PANX1: variants seen among roughly 807,000 people sequenced by gnomAD.
PANX1 encodes the protein pannexin-1.
In PANX1, 30 loss-of-function variants were observed where a neutral mutation model predicts 38.7. That is an observed-to-expected ratio of 0.78 (90% CI 0.58 to 1.05). PANX1 has a LOEUF of 1.05. PANX1 is among the 50% of genes least tolerant of loss of function. The probability of loss-of-function intolerance (pLI) is 0.00; values close to 1 mark genes in which losing one functional copy is unlikely to be tolerated. For missense variants in PANX1, 551 were observed against 517.2 expected, an observed-to-expected ratio of 1.07 and a Z score of -0.63; for synonymous variants, 230 against 212.2, an observed-to-expected ratio of 1.08 and a Z score of -0.73.
At position 94,181,175 on chromosome 11, in the gene PANX1, G is replaced by T. The variant is rs1947302896; in HGVS notation, c.*306G>T. The T allele has an allele frequency of 3.3e-6, 1 of 299,718 alleles. No homozygotes were observed. The highest frequency in any genetic ancestry group is 2.1e-5 in the African/African-American group (1 of 47,532). 18.6% of individuals were successfully genotyped at this position (299,718 alleles called of 1,614,324 possible). ...AGTCAAGAGCAGTAGCCCTGTCAGA[G>T]CCTCGGAGCAATACCTTTCTGTACC... On this transcript the variant is annotated 3_prime_UTR_variant, in exon 5 of 5. Transcript: ENST00000227638.
rs181188850 is a variant in PANX1 at position 94,179,612 on chromosome 11, G to A, written c.556G>A (p.Val186Ile). 6.2e-7 allele frequency: 1 copy of A among 1,612,748 alleles called. No homozygotes were observed. The highest frequency in any genetic ancestry group is 1.3e-5 in the African/African-American group (1 of 74,942). ...TCCTTTATTTTTTAGTTTGTGGGAG[G>A]TATCTGAAAGCCACTTCAAGTACCC... Reference protein sequence around the residue: ...TENLGQSLWEVSESHFKYPIV... With the variant: ...TENLGQSLWEISESHFKYPIV... The change falls in exon 4 of 5, where the codon GTA becomes ATA. Residue 186 changes from valine (V) to isoleucine (I), a missense_variant. Transcript: ENST00000227638.
chr11:94,153,432 G>C, intron 1 of PANX1, 59 bp from the exon 2 acceptor site: 1 of 1,572,598 alleles, frequency 6.4e-7, no homozygotes, highest in East Asian at 2.2e-5. Flanking sequence ...CATGTGAGAT[G>C]GGGACAAGAG....
At chr11:94,171,280 T>A (rs1947163497) in intron 2 of PANX1, among the ~76,000 whole-genome samples, 1 of 151,650 alleles carries the variant, frequency 6.6e-6, no homozygotes, top group Non-Finnish European at 1.5e-5. Flanking sequence ...ACTTCAGGCA[T>A]CCCACTCCCT....
intron 2 of PANX1, among the ~76,000 whole-genome samples, chr11:94,161,165 C>CAA (rs1947026653): frequency 6.6e-6 from 1 of 152,174 alleles, no homozygotes; most frequent in Non-Finnish European, 1.5e-5. Context: ...ACATTTTTTC[C>CAA]TTCATTTCAA....
chr11:94,142,124 G>A (rs771821966), intron 1 of PANX1, among the ~76,000 whole-genome samples: 9 of 152,150 alleles, frequency 5.9e-5, no homozygotes, highest in Admixed American at 1.3e-4. Context: ...ACAGGACTGC[G>A]TGGGGCAAGC....
chr11:94,146,752 A>C (rs1946832554), intron 1 of PANX1, among the ~76,000 whole-genome samples: 1 of 152,218 alleles, frequency 6.6e-6, no homozygotes, highest in African/African-American at 2.4e-5. Flanking sequence ...AAGACAGAGA[A>C]AGTTCCAGGA....
chr11:94,143,629 T>C (rs1946790549), intron 1 of PANX1, among the ~76,000 whole-genome samples: 1 of 152,196 alleles, frequency 6.6e-6, no homozygotes, highest in Non-Finnish European at 1.5e-5. Flanking sequence ...CGAATGTCTA[T>C]TGAATCTAAT....
intron 1 of PANX1, among the ~76,000 whole-genome samples, chr11:94,138,819 GT>G (rs1358854864): frequency 1.3e-5 from 2 of 152,106 alleles, no homozygotes; most frequent in Non-Finnish European, 2.9e-5. Context: ...TACAGTATAA[GT>G]TTTGATAAGC....
At position 94,128,975 on chromosome 11, in the gene PANX1, GTGGTTCCCGCGCC is replaced by G. The variant is rs1946588228; in HGVS notation, c.-334_-322del. On this transcript the variant is annotated 5_prime_UTR_variant, in exon 1 of 5. It removes the in-frame stop codon of an upstream open reading frame in the 5' UTR. Transcript: ENST00000227638. The stretch of plus-strand genomic sequence containing the variant: ...CAGAGGGAAGCGCTTTGTTCCGCGC[GTGGTTCCCGCGCC>G]TGGGGGTGCGCGGGAGAGGCGCGAA... 1 of 192,068 alleles carries G rather than the reference GTGGTTCCCGCGCC, an allele frequency of 5.2e-6. No homozygotes were observed. The highest frequency in any genetic ancestry group is 1.1e-5 in the Non-Finnish European group (1 of 95,000). The allele number at this position is 192,068 out of a possible 1,614,324, so 11.9% of individuals were successfully genotyped here. A position where few individuals can be genotyped will look rare whatever the true frequency, so the allele number is the denominator to read the frequency against.
Position 94,180,159 on chromosome 11 carries a change from C to A in PANX1, c.1103C>A (p.Thr368Lys), listed in dbSNP as rs1404765805. 1.2e-6 allele frequency: 2 copies of A among 1,613,884 alleles called. No individual in the cohort carries two copies. The highest frequency in any genetic ancestry group is 1.3e-5 in the African/African-American group (1 of 74,874). The change falls in exon 4 of 5, where the codon ACA becomes AAA. Residue 368 changes from threonine to lysine, a missense_variant. Coordinates refer to ENST00000227638, the MANE Select transcript of PANX1 (RefSeq NM_015368.4). ...GGGATCGACCCAATGCTACTCCTGA[C>A]AAACCTTGGCATGATCAAGATGGAT... is the stretch of plus-strand genomic sequence containing the variant. ...GQGIDPMLLL[T>K]NLGMIKMDVV...
intron 1 of PANX1, among the ~76,000 whole-genome samples, chr11:94,133,784 A>AT (rs1441516204): frequency 6.6e-6 from 1 of 152,130 alleles, no homozygotes; most frequent in Non-Finnish European, 1.5e-5. Context: ...ACCAGCCCTC[A>AT]TTTTTCCTTC....
chr11:94,132,965 C>T (rs578169962), intron 1 of PANX1, among the ~76,000 whole-genome samples: 149 of 152,326 alleles, frequency 9.8e-4, no homozygotes, highest in African/African-American at 3.4e-3. Context: ...GGAATGTCCT[C>T]ATATGATAAA....
At chr11:94,157,090 G>C (rs2134498764) in intron 2 of PANX1, among the ~76,000 whole-genome samples, 1 of 152,144 alleles carries the variant, frequency 6.6e-6, no homozygotes, top group South Asian at 2.1e-4. Context: ...GTATTCCATG[G>C]TGTATATGTG....
intron 1 of PANX1, among the ~76,000 whole-genome samples, chr11:94,143,227 G>A (rs1469534881): frequency 6.6e-6 from 1 of 152,176 alleles, no homozygotes; most frequent in Non-Finnish European, 1.5e-5. Context: ...TGATGCAGAA[G>A]GACTTAATGA....
Position 94,181,438 on chromosome 11 carries a change from T to C in PANX1, c.*569T>C, listed in dbSNP as rs1947305534. 1 of 152,868 alleles carries C rather than the reference T, an allele frequency of 6.5e-6. No individual in the cohort carries two copies. Among genetic ancestry groups the C allele is most frequent in the African/African-American group, 2.4e-5 (1 of 41,464 alleles). The allele number at this position is 152,868 out of a possible 1,614,324, so 9.5% of individuals were successfully genotyped here. A position where few individuals can be genotyped will look rare whatever the true frequency, so the allele number is the denominator to read the frequency against. On this transcript the variant is annotated 3_prime_UTR_variant, in exon 5 of 5. Transcript: ENST00000227638. ...CTCGAGCTCTCTTTACATTGTTAGT[T>C]GTCAACCTTGGCTGATGGAAATCCC... is the stretch of plus-strand genomic sequence containing the variant.
chr11:94,162,116 T>A (rs1288666523), intron 2 of PANX1, among the ~76,000 whole-genome samples: 1 of 152,142 alleles, frequency 6.6e-6, no homozygotes, highest in Non-Finnish European at 1.5e-5. Context: ...GTGTGAGGTG[T>A]CAGTCTGCCC....
chr11:94,163,909 C>T (rs533984773), intron 2 of PANX1, among the ~76,000 whole-genome samples: 2 of 152,120 alleles, frequency 1.3e-5, no homozygotes, highest in Admixed American at 1.3e-4. Flanking sequence ...TCCCTTGTTA[C>T]TTGCTATTGG....
Position 94,153,602 on chromosome 11 carries a change from C to G in PANX1, c.293C>G (p.Ser98Cys). 2 of 1,613,900 alleles carry G rather than the reference C, an allele frequency of 1.2e-6. No homozygotes were observed. The highest frequency in any genetic ancestry group is 1.7e-6 in the Non-Finnish European group (2 of 1,179,872). ...VQQKNSLQSE[S>C]GNLPLWLHKF... ...CAGAAGAACTCACTGCAGAGCGAGT[C>G]TGGAAACCTCCCACTGTGGCTGCAT... The change falls in exon 2 of 5, where the codon TCT becomes TGT. Residue 98 changes from serine (S) to cysteine (C), a missense_variant. Physicochemically the swap from Ser to Cys is moderately radical, Grantham distance 112. Coordinates refer to ENST00000227638, the MANE Select transcript of PANX1 (RefSeq NM_015368.4).
chr11:94,152,041 T>G (rs140470592), intron 1 of PANX1, among the ~76,000 whole-genome samples: 3 of 137,338 alleles, frequency 2.2e-5, no homozygotes, highest in African/African-American at 1.1e-4. Flanking sequence ...CAGGCAAAGA[T>G]GAGTGTCGAG....
Sources: gnomAD v4.1 joint callset for allele counts (sites outside exome capture counted in the v4.1 genomes callset) on GRCh38, gnomAD v4.1.1 for gene constraint, MANE v1.5 for transcripts, NCBI Gene and HGNC (gene_info 2026-07-23, HGNC 2026-07-21) for gene names.